AVL9: variants seen among roughly 807,000 people sequenced by gnomAD.
The protein encoded by AVL9 is AVL9 cell migration associated.
AVL9 carries 49 observed loss-of-function variants against 79.2 expected under a neutral mutation model. The ratio of observed to expected loss-of-function variants is 0.62; its 90% CI spans 0.49 to 0.79. AVL9 has a LOEUF of 0.79. AVL9 is among the 30% of genes least tolerant of loss of function. AVL9 has a pLI of 0.00. For synonymous variants in AVL9, 299 were observed against 280.6 expected, an observed-to-expected ratio of 1.07 and a Z score of -0.65; for missense variants, 682 against 776.8, an observed-to-expected ratio of 0.88 and a Z score of 1.45.
Position 32,581,147 on chromosome 7 carries a change from G to C in AVL9, c.1831+257G>C, listed in dbSNP as rs768384600. On this transcript the variant is annotated intron_variant, in intron 15 of 15. Transcript: ENST00000318709. ...TGCTACCAAGATTCAAGCTGCACCA[G>C]AGTTTTCTTCCCCCATTCCCTGTGC... The C allele has an allele frequency of 3.7e-4, 165 of 443,998 alleles. 1 individual carries two copies. Among genetic ancestry groups the C allele is most frequent in the Non-Finnish European group, 1.5e-4 (36 of 247,210 alleles). The allele number at this position is 443,998 out of a possible 1,614,324, so 27.5% of individuals were successfully genotyped here.
chr7:32,528,680 A>C (rs1391156833), intron 1 of AVL9, among the ~76,000 whole-genome samples: 1 of 152,160 alleles, frequency 6.6e-6, no homozygotes, highest in African/African-American at 2.4e-5. Flanking sequence ...CTTTCTGATA[A>C]GTCAAAGATG....
At chr7:32,508,134 T>C (rs73097596) in intron 1 of AVL9, among the ~76,000 whole-genome samples, 9,218 of 152,286 alleles carry the variant, frequency 0.061, 368 homozygotes, top group Non-Finnish European at 0.087. Context: ...TTAAGACTTA[T>C]ATGTGCTGCA....
At chr7:32,515,631 GCCTGAGAC>G (rs550435487) in intron 1 of AVL9, among the ~76,000 whole-genome samples, 15 of 152,204 alleles carry the variant, frequency 9.9e-5, no homozygotes, top group Non-Finnish European at 1.9e-4. Flanking sequence ...GCAGTCTTCA[GCCTGAGAC>G]CCATTCCTAG....
chr7:32,536,491 CAT>C (rs1788915157), intron 1 of AVL9: 2 of 151,974 alleles, frequency 1.3e-5, no homozygotes, highest in African/African-American at 4.8e-5. Flanking sequence ...ACATGAAAAA[CAT>C]ACAATTTAAG....
At chr7:32,534,140 T>A (rs925986286) in intron 1 of AVL9, 1 of 152,212 alleles carries the variant, frequency 6.6e-6, no homozygotes, top group Admixed American at 6.5e-5. Flanking sequence ...TTAGAAAAAT[T>A]GCTTTTTTAT....
At position 32,559,201 on chromosome 7, in the gene AVL9, C is replaced by A. The variant is rs200067318; in HGVS notation, c.952C>A (p.Pro318Thr). ...EPNDTNQYLK[P>T]PSRPSPDSSE... is the part of the protein sequence containing the mutation. ...CAATGATACCAATCAATATTTGAAA[C>A]CTCCATCTCGCCCATCTCCAGATTC... The change falls in exon 10 of 16, where the codon CCT becomes ACT. Residue 318 changes from proline to threonine, a missense_variant. Coordinates refer to ENST00000318709, the MANE Select transcript of AVL9 (RefSeq NM_015060.3). The A allele has an allele frequency of 1.9e-6, 3 of 1,614,168 alleles. No individual in the cohort carries two copies. Among genetic ancestry groups the A allele is most frequent in the Non-Finnish European group, 2.5e-6 (3 of 1,180,016 alleles).
chr7:32,566,180 A>ATCTTTTTTTTTTTTTTTTTTT lies in AVL9; in HGVS notation c.1216-3839_1216-3838insCTTTTTTTTTTTTTTTTTTTT, dbSNP rs70992731. Among the ~76,000 whole-genome samples the ATCTTTTTTTTTTTTTTTTTTT allele has an allele frequency of 1.2e-3, 112 of 93,872 alleles. 22 individuals are homozygous for ATCTTTTTTTTTTTTTTTTTTT. Among genetic ancestry groups the ATCTTTTTTTTTTTTTTTTTTT allele is most frequent in the African/African-American group, 2.2e-3 (52 of 24,080 alleles). 61.6% of individuals were successfully genotyped at this position (93,872 alleles called of 152,430 possible). A position where few individuals can be genotyped will look rare whatever the true frequency, so the allele number is the denominator to read the frequency against. ...TAAAAAAATTTTAATTATTATTATT[A>ATCTTTTTTTTTTTTTTTTTTT]TTTTTTTTTTTTGGAGACAAGGTCT... On this transcript the variant is annotated intron_variant, in intron 10 of 15. Transcript: ENST00000318709.
intron 1 of AVL9, among the ~76,000 whole-genome samples, chr7:32,541,931 T>TCTCGAACTTCTGGC (rs1480681249): frequency 1.3e-5 from 2 of 152,000 alleles, no homozygotes; most frequent in African/African-American, 2.4e-5. Flanking sequence ...GCCAGGCTGG[T>TCTCGAACTTCTGGC]CTCGAACTTC....
intron 2 of AVL9, among the ~76,000 whole-genome samples, chr7:32,543,585 T>C (rs561155051): frequency 1.3e-3 from 194 of 152,344 alleles, no homozygotes; most frequent in South Asian, 4.3e-3. Context: ...CAGCACCAGC[T>C]GTACATTGCT....
intron 3 of AVL9, among the ~76,000 whole-genome samples, chr7:32,546,537 A>AGAGGC (rs1235999105): frequency 6.6e-6 from 1 of 152,182 alleles, no homozygotes; most frequent in Non-Finnish European, 1.5e-5. Context: ...TAAAGAGAAA[A>AGAGGC]GAGGCTGGAC....
chr7:32,567,333 C>T (rs567587409), intron 10 of AVL9, among the ~76,000 whole-genome samples: 1 of 152,276 alleles, frequency 6.6e-6, no homozygotes, highest in South Asian at 2.1e-4. Context: ...AACTTCTGAG[C>T]TCAAGCAGTC....
chr7:32,518,852 AAT>A (rs1295538707), intron 1 of AVL9, among the ~76,000 whole-genome samples: 3 of 152,226 alleles, frequency 2.0e-5, no homozygotes, highest in Non-Finnish European at 4.4e-5. Flanking sequence ...CAGTATTAAA[AAT>A]ACACTCAATA....
In AVL9 at chr7:32,544,776, C is replaced by G; in HGVS notation, c.297C>G (p.Ala99=). 6.2e-7 allele frequency: 1 copy of G among 1,611,812 alleles called. No homozygotes were observed. Among genetic ancestry groups the G allele is most frequent in the Non-Finnish European group, 8.5e-7 (1 of 1,178,330 alleles). The change falls in exon 3 of 16, where the codon GCC becomes GCG. Residue 99 remains alanine, a synonymous_variant. Coordinates refer to ENST00000318709, the MANE Select transcript of AVL9 (RefSeq NM_015060.3). ...FGISCYRQIE[A]KALKVRQADI... is the part of the protein sequence containing the mutation. ...TCTCTTGCTATCGACAAATTGAAGC[C>G]AAGGTACGATAGTTAATAGTGAAAA...
Position 32,495,652 on chromosome 7 carries a change from C to A in AVL9, c.-58C>A, listed in dbSNP as rs1786760619. ...CGCGGCTTTCCGCACACGGTGGGGTCGTCAGACCCGCTGCCCTTGGCGGTC... is the reference window on the plus strand; with the variant it reads ...CGCGGCTTTCCGCACACGGTGGGGTAGTCAGACCCGCTGCCCTTGGCGGTC... On this transcript the variant is annotated 5_prime_UTR_variant, in exon 1 of 16. Transcript: ENST00000318709. The A allele has an allele frequency of 2.6e-6, 3 of 1,156,246 alleles. No homozygotes were observed. Among genetic ancestry groups the A allele is most frequent in the South Asian group, 8.1e-5 (2 of 24,842 alleles). 71.6% of individuals were successfully genotyped at this position (1,156,246 alleles called of 1,614,324 possible). A position where few individuals can be genotyped will look rare whatever the true frequency, so the allele number is the denominator to read the frequency against.
At chr7:32,577,625 A>G (rs1791160442) in intron 13 of AVL9, among the ~76,000 whole-genome samples, 1 of 152,168 alleles carries the variant, frequency 6.6e-6, no homozygotes, top group South Asian at 2.1e-4. Context: ...TGGGCCCTGC[A>G]CTGGGAGGCC....
At chr7:32,537,391 C>G (rs1385067173) in intron 1 of AVL9, 1 of 147,492 alleles carries the variant, frequency 6.8e-6, no homozygotes, top group Non-Finnish European at 1.5e-5. Flanking sequence ...TTTTAAAAAA[C>G]TAGAAAAACT....
At position 32,576,018 on chromosome 7, in the gene AVL9, A is replaced by G; in HGVS notation, c.1634A>G (p.Asn545Ser). Residue 545 changes from asparagine to serine, a missense_variant, in exon 13 of 16, where the codon AAC becomes AGC. Coordinates refer to ENST00000318709, the MANE Select transcript of AVL9 (RefSeq NM_015060.3). Reference protein sequence around the residue: ...TFVTAWKNTHNYRVWNSNKHP... With the variant: ...TFVTAWKNTHSYRVWNSNKHP... ...GTTACAGCATGGAAGAATACTCACA[A>G]CTACAGGGTGTGGAACAGCAACAAG... 6.2e-7 allele frequency: 1 copy of G among 1,614,158 alleles called. No homozygotes were observed. The highest frequency in any genetic ancestry group is 8.5e-7 in the Non-Finnish European group (1 of 1,179,992).
chr7:32,544,591 A>G (rs867965264), intron 2 of AVL9, 103 bp from the exon 3 acceptor site: 1 of 741,456 alleles, frequency 1.3e-6, no homozygotes, highest in African/African-American at 1.8e-5. Flanking sequence ...TTGTTTTATC[A>G]TCATTTTTGT....
intron 13 of AVL9, among the ~76,000 whole-genome samples, chr7:32,579,675 G>A (rs1477786126): frequency 7.9e-6 from 1 of 126,360 alleles, no homozygotes; most frequent in Non-Finnish European, 1.6e-5. Context: ...TCTGAATAAT[G>A]TATTTTCTTA....
Sources: gnomAD v4.1 joint callset for allele counts (sites outside exome capture counted in the v4.1 genomes callset) on GRCh38, gnomAD v4.1.1 for gene constraint, MANE v1.5 for transcripts, NCBI Gene and HGNC (gene_info 2026-07-23, HGNC 2026-07-21) for gene names.